The following RIC8B variants were observed in gnomAD, a reference collection of about 807,000 sequenced individuals.
RIC8B encodes the protein RIC8 guanine nucleotide exchange factor B.
Under a neutral mutation model 57.5 loss-of-function variants are expected in RIC8B, and 16 were observed. The ratio of observed to expected loss-of-function variants is 0.28; its 90% confidence interval spans 0.19 to 0.42. RIC8B has a LOEUF of 0.42. RIC8B is among the 10% of genes least tolerant of loss of function. RIC8B has a pLI of 1.00. For missense variants in RIC8B, 481 were observed against 677.0 expected (o/e 0.71, Z 3.21); for synonymous variants, 216 against 250.8 (o/e 0.86, Z 1.31).
chr12:106,867,689 C>G lies in RIC8B; in HGVS notation c.1452-3134C>G, dbSNP rs957098217. On this transcript the variant is annotated intron_variant, in intron 8 of 9. Transcript: ENST00000392837. The surrounding 1 kb of genome is among the most constrained non-coding windows in gnomAD (Gnocchi z 4.3). ...CTGGGTAGGGAAACTACATGAGACT[C>G]TGGTTTGAAGTGGGGAGCGGGAGAA... Among the ~76,000 whole-genome samples, 28 of 152,198 alleles carry G rather than the reference C, an allele frequency of 1.8e-4. No homozygotes were observed. Among genetic ancestry groups the G allele is most frequent in the African/African-American group, 6.7e-4 (28 of 41,532 alleles).
intron 9 of RIC8B, among the ~76,000 whole-genome samples, chr12:106,881,984 C>G (rs1950958676): frequency 6.6e-6 from 1 of 152,194 alleles, no homozygotes; most frequent in African/African-American, 2.4e-5. Flanking sequence ...AAGCAGGGCT[C>G]TCTGCCTGTT....
At chr12:106,815,496 C>T (rs1390649713) in intron 3 of RIC8B, among the ~76,000 whole-genome samples, 192 bp downstream of exon 3, 1 of 152,174 alleles carries the variant, frequency 6.6e-6, no homozygotes, top group Non-Finnish European at 1.5e-5. Context: ...TGTGATAACA[C>T]CTATCAGAAT....
rs974279898 is a variant in RIC8B, at chr12:106,879,903, G to A, written c.1572-6001G>A. The A allele has an allele frequency of 6.1e-6, 6 of 985,272 alleles. No homozygotes were observed. The highest frequency in any genetic ancestry group is 5.2e-5 in the African/African-American group (3 of 57,230). 61.0% of individuals were successfully genotyped at this position (985,272 alleles called of 1,614,324 possible). On this transcript the variant is annotated intron_variant, in intron 9 of 9. Coordinates refer to ENST00000392837, the MANE Select transcript of RIC8B (RefSeq NM_001330145.2). The surrounding 1 kb of genome is among the most constrained non-coding windows in gnomAD (Gnocchi z 4.9). Reference sequence around the variant, plus strand: ...TAGACACCACTGTACTTTTTGATACGAGGGCAGTCTTAACTTGTGTTAAGG... The same window carrying A: ...TAGACACCACTGTACTTTTTGATACAAGGGCAGTCTTAACTTGTGTTAAGG...
At chr12:106,790,136 A>G (rs1359872501) in intron 2 of RIC8B, among the ~76,000 whole-genome samples, 4 of 152,174 alleles carry the variant, frequency 2.6e-5, no homozygotes, top group Non-Finnish European at 5.9e-5. Context: ...ACAGCTTGCT[A>G]ACACTCACAC....
intron 2 of RIC8B, among the ~76,000 whole-genome samples, chr12:106,804,737 C>A (rs1245079604): frequency 6.6e-6 from 1 of 152,180 alleles, no homozygotes; most frequent in Non-Finnish European, 1.5e-5. Flanking sequence ...GTTAAACAGA[C>A]CCTGCCCCCG....
chr12:106,798,182 A>C (rs1395152474), intron 2 of RIC8B: 1 of 517,314 alleles, frequency 1.9e-6, no homozygotes, highest in East Asian at 3.3e-5. Flanking sequence ...TTTTGTTGTC[A>C]AAAATGTAAG....
chr12:106,870,420 T>C (rs1481724330), intron 8 of RIC8B, among the ~76,000 whole-genome samples: 1 of 152,232 alleles, frequency 6.6e-6, no homozygotes, highest in East Asian at 1.9e-4. Context: ...CAATTTTTTT[T>C]GATGTTTGTT....
chr12:106,874,454 T>C, intron 9 of RIC8B: 1 of 1,531,752 alleles, frequency 6.5e-7, no homozygotes, highest in Non-Finnish European at 8.9e-7. Flanking sequence ...GAATGGACAC[T>C]AGACACTTCC....
intron 2 of RIC8B, among the ~76,000 whole-genome samples, chr12:106,798,673 C>T (rs1167020143): frequency 6.6e-6 from 1 of 151,922 alleles, no homozygotes; most frequent in Non-Finnish European, 1.5e-5. Context: ...AACTCTAAAT[C>T]TGCTTTGCTT....
rs921571303 is a variant in RIC8B, at chr12:106,843,877, C to T, written c.1091C>T (p.Thr364Ile). 13 of 1,612,684 alleles carry T rather than the reference C, an allele frequency of 8.1e-6. No individual in the cohort carries two copies. Among genetic ancestry groups the T allele is most frequent in the Non-Finnish European group, 9.3e-6 (11 of 1,179,342 alleles). Residue 364 changes from threonine to isoleucine, a missense_variant, in exon 6 of 10, where the codon ACT (threonine) becomes ATT (isoleucine). Transcript: ENST00000392837. ...DKGSSYREGL[T>I]PVLSLLTECS... ...GGAAGCAGCTATAGAGAGGGTCTAA[C>T]TCCAGTTCTCAGCTTATTAACCGAA...
chr12:106,865,107 T>G (rs1161494175), intron 8 of RIC8B, among the ~76,000 whole-genome samples: 1 of 152,144 alleles, frequency 6.6e-6, no homozygotes, highest in Non-Finnish European at 1.5e-5. Context: ...TGCTTTCTGC[T>G]CTCTTGCGTA....
intron 9 of RIC8B, among the ~76,000 whole-genome samples, chr12:106,873,975 TATC>T (rs887925716): frequency 1.3e-5 from 2 of 152,254 alleles, no homozygotes; most frequent in African/African-American, 2.4e-5. Context: ...CAGGTTGTTT[TATC>T]ATTATTTGAT....
intron 4 of RIC8B, among the ~76,000 whole-genome samples, chr12:106,826,865 A>G (rs1358669747): frequency 6.6e-6 from 1 of 152,186 alleles, no homozygotes; most frequent in Non-Finnish European, 1.5e-5. Flanking sequence ...AGGCGGGCAG[A>G]TCACTTGAGT....
At chr12:106,836,436 A>C (rs1257485380) in intron 4 of RIC8B, among the ~76,000 whole-genome samples, 1 of 152,188 alleles carries the variant, frequency 6.6e-6, no homozygotes, top group Non-Finnish European at 1.5e-5. Flanking sequence ...TAGACACCCC[A>C]AACTTAACAT....
At chr12:106,779,443 G>A (rs144640927) in intron 1 of RIC8B, among the ~76,000 whole-genome samples, 2,820 of 151,836 alleles carry the variant, frequency 0.019, 48 homozygotes, top group Middle Eastern at 0.048. Context: ...TGTTGGCCGG[G>A]CTGGTCATGA....
intron 2 of RIC8B, among the ~76,000 whole-genome samples, chr12:106,812,043 TTA>T (rs869208128): frequency 1.0e-3 from 139 of 132,586 alleles, no homozygotes; most frequent in Middle Eastern, 3.8e-3. Context: ...AACATCACTT[TTA>T]TTTTTTACGT....
intron 3 of RIC8B, chr12:106,823,334 T>G: frequency 2.4e-6 from 1 of 409,994 alleles, no homozygotes; most frequent in Non-Finnish European, 5.0e-6. Context: ...ATCCAGGGAT[T>G]TTGGTAGTTG....
intron 9 of RIC8B, among the ~76,000 whole-genome samples, chr12:106,884,601 T>G (rs1374624772): frequency 3.3e-5 from 5 of 152,200 alleles, no homozygotes; most frequent in African/African-American, 1.2e-4. Context: ...ACACATTTCC[T>G]CCCTCATAGT....
chr12:106,825,654 G>A (rs750279635), intron 3 of RIC8B, 72 bp from the exon 4 acceptor site: 3 of 1,059,488 alleles, frequency 2.8e-6, no homozygotes, highest in Non-Finnish European at 4.4e-6. Context: ...GGCAAGAGAT[G>A]TAGTAAAGTA....
Sources: gnomAD v4.1 joint callset for allele counts (sites outside exome capture counted in the v4.1 genomes callset) on GRCh38, gnomAD v4.1.1 for gene constraint, Gnocchi (gnomAD v3.1) non-coding constraint, MANE v1.5 for transcripts, NCBI Gene and HGNC (gene_info 2026-07-23, HGNC 2026-07-21) for gene names.